CADM1: variants seen among roughly 807,000 people sequenced by gnomAD.
CADM1 encodes the protein TSLC-1.
CADM1 carries 15 observed loss-of-function variants against 53.1 expected under a neutral mutation model. That is an observed-to-expected ratio of 0.28 (90% CI 0.19 to 0.44). The LOEUF (loss-of-function observed/expected upper bound fraction) is 0.44. CADM1 is among the 20% of genes least tolerant of loss of function. The pLI is 1.00. For missense variants in CADM1, 434 were observed against 611.3 expected (o/e 0.71, Z 3.06); for synonymous variants, 281 against 243.0 (o/e 1.16, Z -1.45).
At chr11:115,422,486 C>T (rs1947782189) in intron 1 of CADM1, among the ~76,000 whole-genome samples, 1 of 152,156 alleles carries the variant, frequency 6.6e-6, no homozygotes, top group Non-Finnish European at 1.5e-5. Context: ...GAAGAAATGC[C>T]TGATGCAGCG....
intron 1 of CADM1, among the ~76,000 whole-genome samples, chr11:115,472,751 T>C (rs956859822): frequency 6.6e-6 from 1 of 152,190 alleles, no homozygotes; most frequent in Non-Finnish European, 1.5e-5. Context: ...ACAAGGAACA[T>C]ATATTTATGT....
chr11:115,439,253 T>C (rs1948253974), intron 1 of CADM1, among the ~76,000 whole-genome samples: 2 of 152,112 alleles, frequency 1.3e-5, no homozygotes, highest in South Asian at 2.1e-4. Flanking sequence ...GCAAAGATAA[T>C]ATTATGGACA....
chr11:115,275,611 C>T (rs2135061141), intron 1 of CADM1, among the ~76,000 whole-genome samples: 1 of 152,114 alleles, frequency 6.6e-6, no homozygotes, highest in South Asian at 2.1e-4. Flanking sequence ...TTGTATTTTG[C>T]AAGTAACTTA....
chr11:115,416,611 A>G (rs763296100), intron 1 of CADM1, among the ~76,000 whole-genome samples: 10 of 152,010 alleles, frequency 6.6e-5, no homozygotes, highest in Admixed American at 2.0e-4. Flanking sequence ...CAGACTCAGC[A>G]TACAGTCACA....
intron 10 of CADM1, among the ~76,000 whole-genome samples, chr11:115,190,200 C>T (rs573641784): frequency 2.0e-5 from 3 of 152,302 alleles, no homozygotes; most frequent in Non-Finnish European, 2.9e-5. Flanking sequence ...ATCATGGAAG[C>T]TCATATAATT....
At chr11:115,412,885 T>C (rs1947493520) in intron 1 of CADM1, among the ~76,000 whole-genome samples, 1 of 152,224 alleles carries the variant, frequency 6.6e-6, no homozygotes, top group Admixed American at 6.5e-5. Context: ...ATATCATTTA[T>C]CTTTTCCAAA....
chr11:115,402,554 A>G, intron 1 of CADM1, among the ~76,000 whole-genome samples: 1 of 152,166 alleles, frequency 6.6e-6, no homozygotes, highest in East Asian at 1.9e-4. Context: ...AAAACAAAAA[A>G]GCTTCTAAGA....
At chr11:115,374,158 A>G (rs899286955) in intron 1 of CADM1, among the ~76,000 whole-genome samples, 5 of 152,072 alleles carry the variant, frequency 3.3e-5, no homozygotes, top group African/African-American at 1.2e-4. Context: ...AAAACAAAAA[A>G]CCTTCTAAGA....
chr11:115,182,847 T>C (rs1939376410), intron 10 of CADM1, among the ~76,000 whole-genome samples: 1 of 152,168 alleles, frequency 6.6e-6, no homozygotes, highest in South Asian at 2.1e-4. Flanking sequence ...CATGAGGTGT[T>C]TAGTATTCGT....
At chr11:115,496,196 T>C (rs919377788) in intron 1 of CADM1, among the ~76,000 whole-genome samples, 2 of 152,208 alleles carry the variant, frequency 1.3e-5, no homozygotes, top group Non-Finnish European at 2.9e-5. Flanking sequence ...CATAATCATG[T>C]ATAAACCTGT....
chr11:115,326,559 G>A (rs759539771), intron 1 of CADM1, among the ~76,000 whole-genome samples: 1 of 152,082 alleles, frequency 6.6e-6, no homozygotes, highest in Non-Finnish European at 1.5e-5. Flanking sequence ...AATTTCCTAT[G>A]TGCCCAGCAT....
At chr11:115,503,733 A>G (rs912473415) in intron 1 of CADM1, among the ~76,000 whole-genome samples, 1 of 151,826 alleles carries the variant, frequency 6.6e-6, no homozygotes, top group Non-Finnish European at 1.5e-5. Flanking sequence ...GGGGCAGGGG[A>G]GATCAGACAA....
At chr11:115,423,893 C>A (rs1348095267) in intron 1 of CADM1, among the ~76,000 whole-genome samples, 1 of 152,208 alleles carries the variant, frequency 6.6e-6, no homozygotes, top group Non-Finnish European at 1.5e-5. Context: ...TCTACTCTTC[C>A]TATGAATTGC....
At chr11:115,209,174 A>T (rs11215418) in intron 8 of CADM1, among the ~76,000 whole-genome samples, 13,125 of 152,232 alleles carry the variant, frequency 0.086, 913 homozygotes, top group East Asian at 0.37. Context: ...TTAGGTGTGT[A>T]TATTTTCCCT....
At chr11:115,232,569 A>G (rs996210948) in intron 3 of CADM1, among the ~76,000 whole-genome samples, 1 of 152,230 alleles carries the variant, frequency 6.6e-6, no homozygotes, top group Non-Finnish European at 1.5e-5. Flanking sequence ...TATTAAACAT[A>G]TATGTGATAA....
At chr11:115,386,417 A>C (rs912680219) in intron 1 of CADM1, among the ~76,000 whole-genome samples, 1 of 152,228 alleles carries the variant, frequency 6.6e-6, no homozygotes, top group African/African-American at 2.4e-5. Context: ...CTTATAACAG[A>C]ATACCAGAAA....
chr11:115,495,860 C>T (rs1195475249), intron 1 of CADM1, among the ~76,000 whole-genome samples: 3 of 152,174 alleles, frequency 2.0e-5, no homozygotes, highest in Admixed American at 2.0e-4. Flanking sequence ...GCACCAAATA[C>T]TCCTCTAAGG....
chr11:115,239,548 A>G (rs918051859), intron 2 of CADM1, among the ~76,000 whole-genome samples: 3 of 152,132 alleles, frequency 2.0e-5, no homozygotes, highest in Non-Finnish European at 4.4e-5. Flanking sequence ...AAGCTGGCTT[A>G]TTTCCTTTTA....
intron 1 of CADM1, chr11:115,378,022 T>C (rs1000936409): frequency 1.3e-5 from 2 of 152,184 alleles, no homozygotes; most frequent in African/African-American, 4.8e-5. Flanking sequence ...AGAACCCTCT[T>C]GCAACACAAC....
Sources: gnomAD v4.1 joint callset for allele counts (sites outside exome capture counted in the v4.1 genomes callset) on GRCh38, gnomAD v4.1.1 for gene constraint, MANE v1.5 for transcripts, NCBI Gene and HGNC (gene_info 2026-07-23, HGNC 2026-07-21) for gene names.